Variants in THAP5 observed in about 807,000 individuals in gnomAD.
The protein encoded by THAP5 is THAP domain-containing protein 5.
THAP5 carries 26 observed loss-of-function variants against 34.0 expected under a neutral mutation model. The ratio of observed to expected loss-of-function variants is 0.77; its 90% CI spans 0.56 to 1.06. The LOEUF is 1.06. THAP5 is among the 50% of genes least tolerant of loss of function. THAP5 has a pLI of 0.00. For missense variants in THAP5, 394 were observed against 452.8 expected (o/e 0.87, Z 1.18); for synonymous variants, 125 against 153.0 (o/e 0.82, Z 1.35).
At chr7:108,567,863 G>C (rs775341403) in intron 1 of THAP5, among the ~76,000 whole-genome samples, 3 of 152,034 alleles carry the variant, frequency 2.0e-5, no homozygotes, top group Non-Finnish European at 4.4e-5. Context: ...CACATTTTCA[G>C]TGAAAAAAAT....
At chr7:108,548,959 C>T in the THAP5 span, among the ~76,000 whole-genome samples, 2 of 152,068 alleles carry the variant, frequency 1.3e-5, no homozygotes, top group African/African-American at 4.8e-5. Context: ...TTCTACAAGC[C>T]TTATTGCAAA....
rs1282982375 is a variant in THAP5, at chr7:108,564,148, G to T, written c.*43C>A. On this transcript the variant is annotated 3_prime_UTR_variant, in exon 3 of 3. Transcript: ENST00000415914. ...CTTTACATGTAGTTTGGTTTGGCTGGAAAAAGCTTATTTAACAGCCATAGT... is the reference window on the plus strand; with the variant it reads ...CTTTACATGTAGTTTGGTTTGGCTGTAAAAAGCTTATTTAACAGCCATAGT... The T allele has an allele frequency of 6.8e-7, 1 of 1,475,146 alleles. No homozygotes were observed. The highest frequency in any genetic ancestry group is 9.1e-7 in the Non-Finnish European group (1 of 1,098,172). 91.4% of individuals were successfully genotyped at this position (1,475,146 alleles called of 1,614,324 possible).
chr7:108,550,352 G>T (rs1864345877), downstream of THAP5, among the ~76,000 whole-genome samples: 1 of 152,076 alleles, frequency 6.6e-6, no homozygotes, highest in Non-Finnish European at 1.5e-5. Flanking sequence ...ATGTGCCTTG[G>T]TAAGTACCTG....
chr7:108,565,382 C>T, intron 2 of THAP5: 1 of 235,046 alleles, frequency 4.3e-6, no homozygotes. Context: ...GCCTGGCTAA[C>T]ATGGTGAAAC....
In THAP5 at chr7:108,564,047, A is replaced by AATAGG. The variant is rs1309385197; in HGVS notation, c.*139_*143dup. ...GTTTTTCTTAAATAAGTATTACAAG[A>AATAGG]ATAGGATACAGTTCATAACTTTACA... On this transcript the variant is annotated 3_prime_UTR_variant, in exon 3 of 3. Coordinates refer to ENST00000415914, the MANE Select transcript of THAP5 (RefSeq NM_001130475.3). 8 of 599,420 alleles carry AATAGG rather than the reference A, an allele frequency of 1.3e-5. No individual in the cohort carries two copies. The African/African-American group carries it at 1.5e-4, about 11-fold the overall frequency. 37.1% of individuals were successfully genotyped at this position (599,420 alleles called of 1,614,324 possible). A position where few individuals can be genotyped will look rare whatever the true frequency, so the allele number is the denominator to read the frequency against.
At chr7:108,549,058 T>G in the THAP5 span, among the ~76,000 whole-genome samples, 3 of 150,476 alleles carry the variant, frequency 2.0e-5, no homozygotes, top group East Asian at 5.8e-4. Context: ...CTTTGTGTAT[T>G]TACCTATATT....
chr7:108,566,077 A>G (rs1773619927), intron 1 of THAP5, 55 bp from the exon 2 acceptor site: 1 of 1,445,376 alleles, frequency 6.9e-7, no homozygotes, highest in South Asian at 1.5e-5. Flanking sequence ...TATTTTTACA[A>G]TTTTGCCAAA....
At chr7:108,568,411 G>C (rs573240837) in intron 1 of THAP5, 1 of 154,220 alleles carries the variant, frequency 6.5e-6, no homozygotes, top group South Asian at 2.0e-4. Context: ...CTCCATGTTG[G>C]TCAGGCTGGT....
rs974719177 is a variant in THAP5, at chr7:108,565,428, C to T, written c.274-323G>A. On this transcript the variant is annotated intron_variant, in intron 2 of 2. Coordinates refer to ENST00000415914, the MANE Select transcript of THAP5 (RefSeq NM_001130475.3). Reference sequence around the variant, plus strand: ...ACTAAAAATACAAAAATTAGCCGGGCGTGGTGGCAGGCGCCTGTAATCCCA... The same window carrying T: ...ACTAAAAATACAAAAATTAGCCGGGTGTGGTGGCAGGCGCCTGTAATCCCA... 13 of 187,228 alleles carry T rather than the reference C, an allele frequency of 6.9e-5. No individual in the cohort carries two copies. In the South Asian group the frequency reaches 1.4e-3, roughly 20 times the overall value. 11.6% of individuals were successfully genotyped at this position (187,228 alleles called of 1,614,324 possible).
Position 108,564,445 on chromosome 7 carries a change from C to A in THAP5, c.934G>T (p.Asp312Tyr), listed in dbSNP as rs759290255. 107 of 1,613,798 alleles carry A rather than the reference C, an allele frequency of 6.6e-5. No homozygotes were observed. Among genetic ancestry groups the A allele is most frequent in the Non-Finnish European group, 8.5e-6 (10 of 1,179,932 alleles). The stretch of plus-strand genomic sequence containing the variant: ...ATTTGTAAAACTTCTGTCCCATAGT[C>A]TACATCCTTATACAAGGAGTCTTCA... ...DIEDSLYKDV[D>Y]YGTEVLQIEH... Residue 312 changes from aspartate (D) to tyrosine (Y), a missense_variant, in exon 3 of 3, where the codon GAC (aspartate) becomes TAC (tyrosine). Coordinates refer to ENST00000415914, the MANE Select transcript of THAP5 (RefSeq NM_001130475.3).
downstream of THAP5, among the ~76,000 whole-genome samples, chr7:108,551,676 C>T (rs533265619): frequency 9.8e-5 from 15 of 152,302 alleles, no homozygotes; most frequent in South Asian, 3.1e-3. Context: ...ATGGATGAGT[C>T]TTGCCCTGAG....
the THAP5 span, among the ~76,000 whole-genome samples, chr7:108,547,986 T>C: frequency 6.6e-6 from 1 of 152,240 alleles, no homozygotes; most frequent in African/African-American, 2.4e-5. Flanking sequence ...TTGCATTAAA[T>C]TTTAGAGGAT....
the THAP5 span, among the ~76,000 whole-genome samples, chr7:108,547,357 T>C: frequency 6.6e-5 from 10 of 152,198 alleles, no homozygotes; most frequent in Non-Finnish European, 1.3e-4. Context: ...ATATTCTAGT[T>C]CATTGTGCAT....
the THAP5 span, among the ~76,000 whole-genome samples, chr7:108,545,091 T>C: frequency 6.6e-6 from 1 of 152,354 alleles, no homozygotes; most frequent in South Asian, 2.1e-4. Flanking sequence ...TAGAAAGATA[T>C]AGATTGCTAT....
chr7:108,561,532 G>T (rs1442932289), downstream of THAP5, among the ~76,000 whole-genome samples: 1 of 151,414 alleles, frequency 6.6e-6, no homozygotes, highest in East Asian at 1.9e-4. Flanking sequence ...TCCTCCCAAA[G>T]TGCTGGGGTA....
At chr7:108,549,089 T>TACACACACACACACACAC in the THAP5 span, among the ~76,000 whole-genome samples, 20 of 136,544 alleles carry the variant, frequency 1.5e-4, no homozygotes, top group African/African-American at 5.2e-4. Context: ...ACATGCTTAA[T>TACACACACACACACACAC]ACACACACAC....
At chr7:108,558,139 C>A (rs537764534), downstream of THAP5, among the ~76,000 whole-genome samples, 2 of 151,608 alleles carry the variant, frequency 1.3e-5, no homozygotes, top group African/African-American at 4.9e-5. Context: ...CCCACTAGAC[C>A]CCCCTTCCTC....
downstream of THAP5, among the ~76,000 whole-genome samples, chr7:108,552,563 A>G (rs1470638163): frequency 6.6e-6 from 1 of 152,130 alleles, no homozygotes; most frequent in African/African-American, 2.4e-5. Flanking sequence ...ACTTTGGGAG[A>G]CCAAGGGGCA....
chr7:108,543,516 TG>T, the THAP5 span, among the ~76,000 whole-genome samples: 2 of 152,210 alleles, frequency 1.3e-5, no homozygotes, highest in Non-Finnish European at 2.9e-5. Flanking sequence ...GGTGATCATC[TG>T]CCATCACGAT....
Sources: allele counts gnomAD v4.1 joint callset (sites outside exome capture counted in the v4.1 genomes callset), GRCh38; gene constraint gnomAD v4.1.1; transcripts MANE v1.5; gene names NCBI Gene and HGNC (gene_info 2026-07-23, HGNC 2026-07-21).